The following STX18 variants were observed in gnomAD, a reference collection of about 807,000 sequenced individuals.
STX18 encodes syntaxin 18, also known as syntaxin-18.
In STX18, 40 loss-of-function variants were observed where a neutral mutation model predicts 50.1. That is an observed-to-expected ratio of 0.80 (90% CI 0.62 to 1.04). The LOEUF (loss-of-function observed/expected upper bound fraction) is 1.04, where lower values mean the gene tolerates loss of function less well. Ranked by LOEUF, STX18 falls within the 50% of genes least tolerant of loss-of-function variation. STX18 has a pLI of 0.00. For missense variants in STX18, 410 were observed against 415.8 expected, an observed-to-expected ratio of 0.99 and a Z score of 0.12; for synonymous variants, 158 against 151.8, an observed-to-expected ratio of 1.04 and a Z score of -0.30.
At chr4:4,524,779 T>G (rs576086545) in intron 1 of STX18, among the ~76,000 whole-genome samples, 1 of 152,346 alleles carries the variant, frequency 6.6e-6, no homozygotes, top group Non-Finnish European at 1.5e-5. Flanking sequence ...CTTTGATCAC[T>G]TAAGCTAATT....
At chr4:4,423,877 C>G in intron 8 of STX18, 1 of 434,720 alleles carries the variant, frequency 2.3e-6, no homozygotes. Flanking sequence ...CCTTTGCATT[C>G]TGTGTCACTG....
At chr4:4,491,894 T>G (rs1728958885) in intron 1 of STX18, among the ~76,000 whole-genome samples, 1 of 152,122 alleles carries the variant, frequency 6.6e-6, no homozygotes. Context: ...AAACTAAAAG[T>G]ATCCTGACAA....
chr4:4,520,523 A>C (rs16835824), intron 1 of STX18, among the ~76,000 whole-genome samples: 1 of 152,232 alleles, frequency 6.6e-6, no homozygotes, highest in African/African-American at 2.4e-5. Context: ...CTAAAAAGCT[A>C]TACTATTAGA....
At chr4:4,425,847 G>A (rs539614039) in intron 7 of STX18, 63 of 152,780 alleles carry the variant, frequency 4.1e-4, no homozygotes, top group African/African-American at 1.4e-3. Context: ...GGAGCTGAGT[G>A]AGCTTGGCAC....
intron 2 of STX18, among the ~76,000 whole-genome samples, chr4:4,463,201 G>A (rs1259152167): frequency 6.6e-6 from 1 of 152,132 alleles, no homozygotes; most frequent in Non-Finnish European, 1.5e-5. Flanking sequence ...TAGACTTTGT[G>A]GGCCTTGTAG....
intron 1 of STX18, among the ~76,000 whole-genome samples, chr4:4,486,675 C>A (rs1728715057): frequency 6.6e-6 from 1 of 152,178 alleles, no homozygotes; most frequent in South Asian, 2.1e-4. Flanking sequence ...GAAATTAGGT[C>A]TACTCCATAG....
At chr4:4,441,842 T>C (rs975665871) in intron 5 of STX18, among the ~76,000 whole-genome samples, 16 of 152,190 alleles carry the variant, frequency 1.1e-4, no homozygotes, top group African/African-American at 2.4e-4. Flanking sequence ...TACTAAAGTA[T>C]TGAAGGGGAA....
intron 5 of STX18, among the ~76,000 whole-genome samples, chr4:4,442,114 A>G (rs1726138591): frequency 6.6e-6 from 1 of 152,228 alleles, no homozygotes; most frequent in Admixed American, 6.5e-5. Context: ...GAGCATGAAA[A>G]GATTGACAGA....
chr4:4,507,022 A>C (rs1037761727), intron 1 of STX18: 1 of 410,788 alleles, frequency 2.4e-6, no homozygotes, highest in African/African-American at 2.1e-5. Flanking sequence ...TCTACAAATA[A>C]CACTTAAATT....
At chr4:4,442,673 C>T (rs1310080307) in intron 5 of STX18, among the ~76,000 whole-genome samples, 1 of 151,904 alleles carries the variant, frequency 6.6e-6, no homozygotes, top group Non-Finnish European at 1.5e-5. Context: ...ATGTTGATGG[C>T]TATTGGTGGT....
intron 2 of STX18, chr4:4,461,989 T>TG (rs1209052713): frequency 4.4e-6 from 2 of 456,160 alleles, no homozygotes; most frequent in East Asian, 1.4e-4. Context: ...CTCCAGGGGC[T>TG]GCGGCTGCGC....
At chr4:4,474,544 T>C (rs1264581886) in intron 1 of STX18, among the ~76,000 whole-genome samples, 3 of 152,218 alleles carry the variant, frequency 2.0e-5, no homozygotes, top group Non-Finnish European at 4.4e-5. Context: ...AGGGCATTAA[T>C]GCAGCACATG....
intron 1 of STX18, among the ~76,000 whole-genome samples, chr4:4,532,449 AAC>A (rs1731144086): frequency 7.6e-6 from 1 of 131,798 alleles, no homozygotes. Context: ...CTTTGAAAAC[AAC>A]AACAACAACA....
At chr4:4,459,060 ACG>A (rs899527406) in intron 3 of STX18, among the ~76,000 whole-genome samples, 3 of 139,436 alleles carry the variant, frequency 2.2e-5, no homozygotes, top group Non-Finnish European at 3.1e-5. Flanking sequence ...ACACACACAC[ACG>A]CACACACACA....
chr4:4,428,376 G>A (rs1725358452), intron 7 of STX18, among the ~76,000 whole-genome samples: 1 of 152,224 alleles, frequency 6.6e-6, no homozygotes, highest in Non-Finnish European at 1.5e-5. Context: ...TAAGCAGTAA[G>A]CTGTTTTGGA....
At chr4:4,464,270 A>G (rs900485610) in intron 2 of STX18, among the ~76,000 whole-genome samples, 5 of 152,198 alleles carry the variant, frequency 3.3e-5, no homozygotes, top group Admixed American at 6.5e-5. Flanking sequence ...GAGACAAGAC[A>G]CCTGTACTCC....
chr4:4,473,454 G>A (rs972975848), intron 1 of STX18, among the ~76,000 whole-genome samples: 1 of 151,718 alleles, frequency 6.6e-6, no homozygotes, highest in Non-Finnish European at 1.5e-5. Flanking sequence ...CACCACACCC[G>A]GCTAATTTTT....
Position 4,472,036 on chromosome 4 carries a change from T to G in STX18, c.169-330A>C, listed in dbSNP as rs145504809. On this transcript the variant is annotated intron_variant, in intron 1 of 10. Transcript: ENST00000306200. ...AAGGTTAATTCCTTTTCTTTTCTTA[T>G]AGCTAAAATTGCACAGCAAGTATTC... Among the ~76,000 whole-genome samples the G allele has an allele frequency of 7.7e-3, 1,178 of 152,320 alleles. 11 individuals carry two copies. The highest frequency in any genetic ancestry group is 0.027 in the African/African-American group (1,114 of 41,550).
chr4:4,445,057 C>G (rs1255944315), intron 5 of STX18, among the ~76,000 whole-genome samples: 1 of 152,154 alleles, frequency 6.6e-6, no homozygotes, highest in African/African-American at 2.4e-5. Flanking sequence ...AAAAGCAAAA[C>G]TACTGTTATT....
Sources: gnomAD v4.1 joint callset for allele counts (sites outside exome capture counted in the v4.1 genomes callset) on GRCh38, gnomAD v4.1.1 for gene constraint, MANE v1.5 for transcripts, NCBI Gene and HGNC (gene_info 2026-07-23, HGNC 2026-07-21) for gene names.